Variants in EHMT1 observed in about 807,000 individuals in gnomAD.
EHMT1 encodes histone-lysine N-methyltransferase EHMT1.
A neutral mutation model predicts 147.2 loss-of-function variants in EHMT1; 15 were observed. The ratio of observed to expected loss-of-function variants is 0.10; its 90% CI spans 0.07 to 0.16. The LOEUF is 0.16. EHMT1 is among the 10% of genes least tolerant of loss of function. The pLI is 1.00. For missense variants in EHMT1, 1,587 were observed against 1,772.4 expected (o/e 0.90, Z 1.88); for synonymous variants, 795 against 709.6 (o/e 1.12, Z -1.91).
rs1457832634 is a variant in EHMT1, at chr9:137,776,508, ACT to A, written c.1792-107_1792-106del. 8 of 1,099,682 alleles carry A rather than the reference ACT, an allele frequency of 7.3e-6. No individual in the cohort carries two copies. The highest frequency in any genetic ancestry group is 1.3e-5 in the South Asian group (1 of 75,066). 68.1% of individuals were successfully genotyped at this position (1,099,682 alleles called of 1,614,324 possible). On this transcript the variant is annotated intron_variant, in intron 11 of 26. Transcript: ENST00000460843. This position sits in a 1 kb window ranked among gnomAD's most constrained non-coding sequence, Gnocchi z 4.4. The stretch of plus-strand genomic sequence containing the variant: ...TGGACCCCACCCCGACCCATGGCTC[ACT>A]CTGCAGACCGCCCGATGTGGGATGC...
rs143669310 is a variant in EHMT1 at position 137,813,108 on chromosome 9, G to T, written c.2970G>T (p.Gln990His). ...SLNSQVWSAL[Q>H]MSKALQDSAP... is the part of the protein sequence containing the mutation. Reference sequence around the variant, plus strand: ...ACTCTCAGGTGTGGAGCGCTCTGCAGATGAGCAAGGCTCTGCAGGACTCGG... The same window carrying T: ...ACTCTCAGGTGTGGAGCGCTCTGCATATGAGCAAGGCTCTGCAGGACTCGG... The change falls in exon 20 of 27, where the codon CAG becomes CAT. Residue 990 changes from glutamine to histidine, a missense_variant. By Grantham distance (24) the Gln-to-His change is conservative. Coordinates refer to ENST00000460843, the MANE Select transcript of EHMT1 (RefSeq NM_024757.5). The surrounding 1 kb of genome is among the most constrained non-coding windows in gnomAD (Gnocchi z 4.9). 635 of 1,613,392 alleles carry T rather than the reference G, an allele frequency of 3.9e-4. 6 individuals carry two copies. In the East Asian group the frequency reaches 0.012, roughly 31 times the overall value.
intron 9 of EHMT1, among the ~76,000 whole-genome samples, chr9:137,759,885 T>C (rs1288255162): frequency 6.6e-6 from 1 of 151,508 alleles, no homozygotes; most frequent in African/African-American, 2.4e-5. Context: ...GCCTGTGGAG[T>C]GTGCTGAGCG....
chr9:137,813,234 T>TG lies in EHMT1; in HGVS notation c.3035+62dup. 6.3e-7 allele frequency: 1 copy of TG among 1,588,418 alleles called. No individual in the cohort carries two copies. Among genetic ancestry groups the TG allele is most frequent in the Non-Finnish European group, 8.5e-7 (1 of 1,173,394 alleles). On this transcript the variant is annotated intron_variant, in intron 20 of 26. Coordinates refer to ENST00000460843, the MANE Select transcript of EHMT1 (RefSeq NM_024757.5). The surrounding 1 kb of genome is among the most constrained non-coding windows in gnomAD (Gnocchi z 4.9). ...AGCGGTCAGCAGGGCTTTGGGAACT[T>TG]GCGGTGAAAGCTGCTCCTGAAGCCG...
chr9:137,619,052 GAGC>G lies in EHMT1; in HGVS notation c.21+7_21+9del. 1.1e-6 allele frequency: 1 copy of G among 940,838 alleles called. No individual in the cohort carries two copies. The highest frequency in any genetic ancestry group is 1.3e-6 in the Non-Finnish European group (1 of 791,662). 58.3% of individuals were successfully genotyped at this position (940,838 alleles called of 1,614,324 possible). ...CCATGGCCGCCGCCGATGCCGAGGT[GAGC>G]AGCGGGGCCGGCGGGGGGCGGCGCG... On this transcript the variant is annotated splice_donor_5th_base_variant and intron_variant, in intron 1 of 26. Coordinates refer to ENST00000460843, the MANE Select transcript of EHMT1 (RefSeq NM_024757.5).
At chr9:137,631,619 T>C (rs1183760569) in intron 1 of EHMT1, among the ~76,000 whole-genome samples, 1 of 152,110 alleles carries the variant, frequency 6.6e-6, no homozygotes, top group Non-Finnish European at 1.5e-5. Flanking sequence ...CTCACACCTG[T>C]AATCCCAGCA....
chr9:137,686,221 A>G (rs940759767), intron 1 of EHMT1, among the ~76,000 whole-genome samples: 3 of 135,910 alleles, frequency 2.2e-5, no homozygotes, highest in Non-Finnish European at 4.9e-5. Context: ...ATGACGTCCA[A>G]TTTATCTGTT....
chr9:137,834,954 G>A lies in EHMT1; in HGVS notation c.*1G>A, dbSNP rs899616434. On this transcript the variant is annotated 3_prime_UTR_variant, in exon 27 of 27. Transcript: ENST00000460843. The stretch of plus-strand genomic sequence containing the variant: ...CGCGGCTGCCGCCGACCCCCTATGA[G>A]ACGCCGCCGGCCAGCGGGGCGCTCG... 1 of 1,436,990 alleles carries A rather than the reference G, an allele frequency of 7.0e-7. No individual in the cohort carries two copies. The highest frequency in any genetic ancestry group is 1.5e-5 in the African/African-American group (1 of 66,826). The allele number at this position is 1,436,990 out of a possible 1,614,324, so 89.0% of individuals were successfully genotyped here.
intron 15 of EHMT1, 22 bp from the exon 16 acceptor site, chr9:137,790,826 A>G: frequency 6.2e-7 from 1 of 1,613,986 alleles, no homozygotes; most frequent in Non-Finnish European, 8.5e-7. Context: ...CCTCCCATAC[A>G]CCTGAACTGT....
intron 1 of EHMT1, among the ~76,000 whole-genome samples, chr9:137,709,748 G>A (rs1424171449): frequency 1.3e-5 from 2 of 152,164 alleles, no homozygotes; most frequent in African/African-American, 2.4e-5. Flanking sequence ...GCTGCTCCTA[G>A]TGACCTCGGG....
intron 16 of EHMT1, among the ~76,000 whole-genome samples, chr9:137,793,853 G>A (rs923181879): frequency 1.3e-5 from 2 of 152,216 alleles, no homozygotes; most frequent in Non-Finnish European, 2.9e-5. Context: ...CATAGAGACA[G>A]AAAGTAGACT....
chr9:137,822,817 T>A (rs901771344), intron 25 of EHMT1, among the ~76,000 whole-genome samples: 1 of 150,116 alleles, frequency 6.7e-6, no homozygotes, highest in African/African-American at 2.5e-5. Flanking sequence ...TGCTTGAACT[T>A]GGGAGGTGGA....
chr9:137,662,561 ATG>A, intron 1 of EHMT1, among the ~76,000 whole-genome samples: 3 of 151,856 alleles, frequency 2.0e-5, no homozygotes, highest in Non-Finnish European at 4.4e-5. Context: ...GTGTAGTGGC[ATG>A]ATCTCAGCTC....
intron 1 of EHMT1, among the ~76,000 whole-genome samples, chr9:137,690,712 G>A (rs2134850490): frequency 6.6e-6 from 1 of 152,260 alleles, no homozygotes; most frequent in East Asian, 1.9e-4. Context: ...TGGGATTACA[G>A]GCGTGTGCCA....
rs111906822 is a variant in EHMT1 at position 137,653,008 on chromosome 9, G to A, written c.21+33959G>A. Among the ~76,000 whole-genome samples the A allele has an allele frequency of 5.4e-3, 820 of 152,250 alleles. 8 individuals carry two copies. The highest frequency in any genetic ancestry group is 0.018 in the African/African-American group (735 of 41,532). On this transcript the variant is annotated intron_variant, in intron 1 of 26. Transcript: ENST00000460843. ...CTCCCAAAGTGCTGGGATTACAGGC[G>A]GGAGTCACTGTGCCTGGCCTTAGAT...
At chr9:137,629,603 C>G (rs1451441017) in intron 1 of EHMT1, among the ~76,000 whole-genome samples, 1 of 151,972 alleles carries the variant, frequency 6.6e-6, no homozygotes, top group African/African-American at 2.4e-5. Flanking sequence ...CTGTGTTAGC[C>G]AGGATGGTCT....
At chr9:137,707,218 G>A (rs917390725) in intron 1 of EHMT1, among the ~76,000 whole-genome samples, 15 of 152,342 alleles carry the variant, frequency 9.8e-5, no homozygotes, top group Middle Eastern at 3.4e-3. Flanking sequence ...ACTTGGCAGC[G>A]CTGCTTGGGG....
chr9:137,834,660 GA>G, intron 26 of EHMT1, 112 bp from the exon 27 acceptor site: 5 of 1,596,246 alleles, frequency 3.1e-6, no homozygotes, highest in Non-Finnish European at 4.3e-6. Context: ...TGCGACCTGG[GA>G]TGCGGCACGG....
chr9:137,664,147 C>A (rs1035651291), intron 1 of EHMT1, among the ~76,000 whole-genome samples: 1 of 151,964 alleles, frequency 6.6e-6, no homozygotes, highest in Non-Finnish European at 1.5e-5. Context: ...TCAAGTGATC[C>A]TGCTGCCCCA....
At chr9:137,716,564 G>A (rs1324673542) in intron 2 of EHMT1, 62 bp from the exon 3 acceptor site, 3 of 1,487,836 alleles carry the variant, frequency 2.0e-6, no homozygotes, top group Non-Finnish European at 2.7e-6. Flanking sequence ...GGAAGTGGTG[G>A]TGGTGGTGGT....
Sources: gnomAD v4.1 joint callset for allele counts (sites outside exome capture counted in the v4.1 genomes callset) on GRCh38, gnomAD v4.1.1 for gene constraint, Gnocchi (gnomAD v3.1) non-coding constraint, MANE v1.5 for transcripts, NCBI Gene and HGNC (gene_info 2026-07-23, HGNC 2026-07-21) for gene names.